Variants in CLCC1 observed in about 807,000 individuals in gnomAD.
CLCC1 encodes chloride channel CLIC like 1, also known as chloride channel CLIC-like protein 1.
In CLCC1, 39 loss-of-function variants were observed where a neutral mutation model predicts 63.3. The observed-to-expected ratio is 0.62, with a 90% CI of 0.48 to 0.81. The LOEUF is 0.81. Ranked by LOEUF, CLCC1 falls within the 30% of genes least tolerant of loss-of-function variation. The pLI is 0.00. For missense variants in CLCC1, 549 were observed against 669.4 expected, an observed-to-expected ratio of 0.82 and a Z score of 1.98; for synonymous variants, 217 against 239.8, an observed-to-expected ratio of 0.90 and a Z score of 0.88.
intron 9 of CLCC1, 113 bp downstream of exon 9, chr1:108,939,932 T>C: frequency 7.9e-7 from 1 of 1,266,388 alleles, no homozygotes; most frequent in Non-Finnish European, 1.1e-6. Flanking sequence ...TGTGCAAAAG[T>C]ATTTTTTCTT....
chr1:108,932,349 C>T lies in CLCC1; in HGVS notation c.*198G>A, dbSNP rs1198086231. On this transcript the variant is annotated 3_prime_UTR_variant, in exon 13 of 13. Transcript: ENST00000369969. Reference sequence around the variant, plus strand: ...CATATTGGCTAGTCAATAAACAAGTCTTATCTCATCTCATCTCTTTTCTGA... The same window carrying T: ...CATATTGGCTAGTCAATAAACAAGTTTTATCTCATCTCATCTCTTTTCTGA... The T allele has an allele frequency of 6.6e-6, 1 of 152,056 alleles. No individual in the cohort carries two copies. The highest frequency in any genetic ancestry group is 1.5e-5 in the Non-Finnish European group (1 of 68,008). The allele number at this position is 152,056 out of a possible 1,614,324, so 9.4% of individuals were successfully genotyped here. A position where few individuals can be genotyped will look rare whatever the true frequency, so the allele number is the denominator to read the frequency against.
rs1653150226 is a variant in CLCC1, at chr1:108,937,238, C to T, written c.1222G>A (p.Glu408Lys). 6.2e-7 allele frequency: 1 copy of T among 1,614,132 alleles called. No homozygotes were observed. Among genetic ancestry groups the T allele is most frequent in the Non-Finnish European group, 8.5e-7 (1 of 1,180,014 alleles). ...TACGTTTTGGCATAAGGGCCTTGCT[C>T]AGTGGGGCCCATTTGGCCCCTATAA... is the stretch of plus-strand genomic sequence containing the variant. ...FHYRGQMGPT[E>K]QGPYAKTYEG... The change falls in exon 11 of 13, where the codon GAG becomes AAG. Residue 408 changes from glutamate (E) to lysine (K), a missense_variant. Physicochemically the swap from Glu to Lys is moderately conservative, Grantham distance 56. Transcript: ENST00000369969.
At chr1:108,963,279 C>T (rs899833865) in intron 1 of CLCC1, 82 bp downstream of exon 1, 6 of 663,192 alleles carry the variant, frequency 9.0e-6, no homozygotes, top group Non-Finnish European at 1.7e-5. Context: ...GTCTGCGCCG[C>T]GAGTCCGCTG....
At chr1:108,941,357 T>G in intron 8 of CLCC1, 48 bp downstream of exon 8, 1 of 1,481,534 alleles carries the variant, frequency 6.7e-7, no homozygotes, top group South Asian at 1.2e-5. Context: ...TGTTCTTTCA[T>G]TCTCAGAATT....
chr1:108,944,173 T>C (rs1369752427), intron 5 of CLCC1, 116 bp from the exon 6 acceptor site: 8 of 740,688 alleles, frequency 1.1e-5, no homozygotes, highest in Non-Finnish European at 2.2e-6. Context: ...GTATTTCATA[T>C]GTATAAGAAT....
intron 7 of CLCC1, among the ~76,000 whole-genome samples, 154 bp from the exon 8 acceptor site, chr1:108,941,652 A>AT (rs1304645882): frequency 6.6e-6 from 1 of 151,864 alleles, no homozygotes; most frequent in Non-Finnish European, 1.5e-5. Context: ...TATTATTACT[A>AT]TTTTTTCTCT....
intron 10 of CLCC1, 76 bp from the exon 11 acceptor site, chr1:108,937,494 G>T: frequency 8.3e-7 from 1 of 1,205,746 alleles, no homozygotes; most frequent in Non-Finnish European, 1.1e-6. Context: ...TTTATTCAGA[G>T]TGCTAACAAA....
intron 5 of CLCC1, among the ~76,000 whole-genome samples, chr1:108,944,469 TA>T (rs1238408631): frequency 7.9e-4 from 114 of 144,088 alleles, no homozygotes; most frequent in Admixed American, 8.3e-4. Context: ...ACCCTGTCTC[TA>T]AAAAAAAAAA....
intron 7 of CLCC1, among the ~76,000 whole-genome samples, chr1:108,942,291 ACTT>A (rs1653953404): frequency 6.6e-6 from 1 of 152,088 alleles, no homozygotes; most frequent in Admixed American, 6.5e-5. Flanking sequence ...TTAAATGACT[ACTT>A]CTTATTTTCT....
intron 2 of CLCC1, among the ~76,000 whole-genome samples, chr1:108,952,513 A>C (rs1057350515): frequency 4.6e-5 from 4 of 87,294 alleles, no homozygotes; most frequent in Non-Finnish European, 1.1e-4. Flanking sequence ...GAAAAGTGGG[A>C]AACTGCCAGG....
At chr1:108,950,093 AATCAT>A (rs989576788) in intron 3 of CLCC1, among the ~76,000 whole-genome samples, 172 bp from the exon 4 acceptor site, 8 of 152,208 alleles carry the variant, frequency 5.3e-5, no homozygotes, top group Non-Finnish European at 7.3e-5. Context: ...TAAGAACTAA[AATCAT>A]ATTATTTTGC....
At chr1:108,933,063 A>G (rs1202358089) in intron 12 of CLCC1, 1 of 152,152 alleles carries the variant, frequency 6.6e-6, no homozygotes, top group African/African-American at 2.4e-5. Flanking sequence ...TTTTTAGTAC[A>G]TAGCCTTGAA....
At chr1:108,955,809 C>G (rs1655814553) in intron 2 of CLCC1, among the ~76,000 whole-genome samples, 1 of 151,512 alleles carries the variant, frequency 6.6e-6, no homozygotes, top group Non-Finnish European at 1.5e-5. Flanking sequence ...TCCAGGCTCT[C>G]CAGGCTTTGG....
intron 2 of CLCC1, among the ~76,000 whole-genome samples, chr1:108,951,673 C>CA (rs113956863): frequency 0.56 from 85,205 of 151,668 alleles, 24,118 homozygotes; most frequent in African/African-American, 0.64. Flanking sequence ...CTAAAGGGTA[C>CA]AGGGTTTCCT....
At chr1:108,937,464 T>G (rs191251049) in intron 10 of CLCC1, 46 bp from the exon 11 acceptor site, 218 of 1,441,506 alleles carry the variant, frequency 1.5e-4, no homozygotes, top group Middle Eastern at 1.5e-3. Flanking sequence ...AATGGCTAAC[T>G]TACAAAAGTT....
chr1:108,952,635 C>T (rs766733868), intron 2 of CLCC1, among the ~76,000 whole-genome samples: 3 of 151,910 alleles, frequency 2.0e-5, no homozygotes, highest in African/African-American at 4.8e-5. Context: ...CCCATCTCTA[C>T]TAAAAACACA....
intron 2 of CLCC1, among the ~76,000 whole-genome samples, chr1:108,961,926 CA>C (rs1656702328): frequency 6.6e-6 from 1 of 152,254 alleles, no homozygotes; most frequent in Admixed American, 6.5e-5. Flanking sequence ...TTAATCCTCA[CA>C]AAACTACTGG....
chr1:108,943,865 A>G lies in CLCC1; in HGVS notation c.532T>C (p.Phe178Leu). ...AACACATTATATGGATCCACTCCAA[A>G]GGAATCTTCGAATCGCCACTTCCAT... ...ETWKWRFEDSFGVDPYNVLMV... is the reference protein window; with the variant it reads ...ETWKWRFEDSLGVDPYNVLMV... Residue 178 changes from phenylalanine to leucine, a missense_variant, in exon 6 of 13, where the codon TTT (phenylalanine) becomes CTT (leucine). Phe to Leu is a conservative substitution (Grantham distance 22). Coordinates refer to ENST00000369969, the MANE Select transcript of CLCC1 (RefSeq NM_001377458.1). 1 of 1,613,798 alleles carries G rather than the reference A, an allele frequency of 6.2e-7. No homozygotes were observed.
intron 12 of CLCC1, 33 bp downstream of exon 12, chr1:108,934,592 G>A: frequency 1.3e-6 from 2 of 1,490,438 alleles, no homozygotes; most frequent in Non-Finnish European, 1.8e-6. Flanking sequence ...AATTCTTGCA[G>A]AGAAGAGAAA....
Sources: gnomAD v4.1 joint callset for allele counts (sites outside exome capture counted in the v4.1 genomes callset) on GRCh38, gnomAD v4.1.1 for gene constraint, MANE v1.5 for transcripts, NCBI Gene and HGNC (gene_info 2026-07-23, HGNC 2026-07-21) for gene names.